Variants in ZNF487 observed in about 807,000 individuals in gnomAD.
The protein encoded by ZNF487 is KRAB domain only 1.
Under a neutral mutation model 3.0 loss-of-function variants are expected in ZNF487, and 4 were observed. The ratio of observed to expected loss-of-function variants is 1.35; its 90% CI spans 0.66 to 3.08. ZNF487 has a LOEUF of 3.08. Among genes scored for constraint, ZNF487 ranks in the 30% most tolerant of loss-of-function variants. ZNF487 has a pLI of 0.01. For missense variants in ZNF487, 146 were observed against 98.7 expected (o/e 1.48, Z -2.03); for synonymous variants, 55 against 34.6 (o/e 1.59, Z -2.06).
chr10:43,501,169 A>T, the ZNF487 span, among the ~76,000 whole-genome samples: 2 of 152,224 alleles, frequency 1.3e-5, no homozygotes, highest in East Asian at 3.9e-4. Flanking sequence ...GTATTTATAT[A>T]TGTAAACATA....
At chr10:43,494,936 CAA>C in the ZNF487 span, among the ~76,000 whole-genome samples, 6 of 132,396 alleles carry the variant, frequency 4.5e-5, no homozygotes, top group Admixed American at 1.6e-4. Context: ...GACTCCATCT[CAA>C]AAAAAAAAAA....
Position 43,441,034 on chromosome 10 carries a change from A to ATTTTTTTTTT in ZNF487, c.-94+3797_-94+3806dup, listed in dbSNP as rs763451709. On this transcript the variant is annotated intron_variant, in intron 1 of 3. Transcript: ENST00000437590. ...GGTAAATGCTACCACACCTGGTTAA[A>ATTTTTTTTTT]TTTTTTTTTTTTTTTTTTTTTTTTT... Among the ~76,000 whole-genome samples, 264 of 44,550 alleles carry ATTTTTTTTTT rather than the reference A, an allele frequency of 5.9e-3. 70 individuals carry two copies. Among genetic ancestry groups the ATTTTTTTTTT allele is most frequent in the East Asian group, 0.013 (14 of 1,110 alleles). The allele number at this position is 44,550 out of a possible 152,430, so 29.2% of individuals were successfully genotyped here.
intron 1 of ZNF487, among the ~76,000 whole-genome samples, chr10:43,473,632 C>A (rs1056944964): frequency 1.3e-5 from 2 of 152,024 alleles, no homozygotes; most frequent in Non-Finnish European, 2.9e-5. Context: ...CATTCTCCTG[C>A]CTCAGCCTCC....
chr10:43,459,123 C>G (rs947152627), intron 1 of ZNF487, among the ~76,000 whole-genome samples: 1 of 152,118 alleles, frequency 6.6e-6, no homozygotes, highest in Non-Finnish European at 1.5e-5. Flanking sequence ...GGTTTCTGAT[C>G]TAGTCCTTCC....
chr10:43,486,777 G>C (rs920106269), downstream of ZNF487, among the ~76,000 whole-genome samples: 4 of 152,088 alleles, frequency 2.6e-5, no homozygotes, highest in Non-Finnish European at 5.9e-5. Context: ...AAACTATTAA[G>C]AGAGGCAAGA....
At chr10:43,470,419 T>C (rs1840863246) in intron 1 of ZNF487, among the ~76,000 whole-genome samples, 1 of 152,182 alleles carries the variant, frequency 6.6e-6, no homozygotes, top group Non-Finnish European at 1.5e-5. Context: ...GTTTCACTTT[T>C]GTTGCCCAGG....
chr10:43,511,479 A>G, the ZNF487 span, among the ~76,000 whole-genome samples: 1 of 152,184 alleles, frequency 6.6e-6, no homozygotes, highest in Non-Finnish European at 1.5e-5. Flanking sequence ...GTCTATTCTA[A>G]TGACGACAAA....
the ZNF487 span, among the ~76,000 whole-genome samples, chr10:43,498,269 TA>T: frequency 9.4e-5 from 12 of 127,630 alleles, no homozygotes; most frequent in Non-Finnish European, 1.8e-4. Context: ...TATATATATA[TA>T]TATATTTTTT....
chr10:43,476,275 G>A, intron 3 of ZNF487, 73 bp downstream of exon 3: 1 of 659,346 alleles, frequency 1.5e-6, no homozygotes, highest in South Asian at 1.7e-5. Flanking sequence ...TTCACATATT[G>A]ACATCTTTGA....
chr10:43,446,126 G>A (rs1186981396), intron 1 of ZNF487, among the ~76,000 whole-genome samples: 12 of 152,146 alleles, frequency 7.9e-5, no homozygotes, highest in Non-Finnish European at 1.6e-4. Context: ...TTTGCCCCAC[G>A]TTTCCCCCTT....
the ZNF487 span, among the ~76,000 whole-genome samples, chr10:43,512,627 G>T: frequency 1.3e-5 from 2 of 152,172 alleles, no homozygotes; most frequent in African/African-American, 4.8e-5. Context: ...GCCTGCCAAA[G>T]GCTCCAAACA....
At chr10:43,439,003 A>G (rs750489772) in intron 1 of ZNF487, among the ~76,000 whole-genome samples, 27 of 152,046 alleles carry the variant, frequency 1.8e-4, no homozygotes, top group Non-Finnish European at 1.2e-4. Context: ...GCACTTTGGG[A>G]GGTCGAGGTG....
chr10:43,494,031 T>TAAA, the ZNF487 span, among the ~76,000 whole-genome samples: 1 of 111,858 alleles, frequency 8.9e-6, no homozygotes. Flanking sequence ...ACTCCATCTC[T>TAAA]AAAAAAAAAA....
chr10:43,441,395 A>G (rs763603555), intron 1 of ZNF487, among the ~76,000 whole-genome samples: 16 of 151,800 alleles, frequency 1.1e-4, no homozygotes, highest in South Asian at 2.1e-4. Context: ...CCTCCCGACT[A>G]GCTGGGACTA....
intron 3 of ZNF487, among the ~76,000 whole-genome samples, chr10:43,478,189 C>T (rs1841173875): frequency 6.6e-6 from 1 of 152,042 alleles, no homozygotes. Context: ...GGAGACCAAC[C>T]CAAGAGGATT....
chr10:43,472,393 T>A (rs191644803), intron 1 of ZNF487, among the ~76,000 whole-genome samples: 188 of 152,196 alleles, frequency 1.2e-3, no homozygotes, highest in Admixed American at 2.1e-3. Context: ...GTCTTACACA[T>A]CTTATTTGTC....
At chr10:43,453,981 C>G (rs1485421144) in intron 1 of ZNF487, 1 of 152,062 alleles carries the variant, frequency 6.6e-6, no homozygotes, top group African/African-American at 2.4e-5. Context: ...ATGTTATGCA[C>G]AAGGTTTGAA....
At chr10:43,480,902 G>A (rs11815101) in intron 3 of ZNF487, among the ~76,000 whole-genome samples, 10,892 of 152,132 alleles carry the variant, frequency 0.072, 544 homozygotes, top group East Asian at 0.2. Flanking sequence ...ATAATTGATC[G>A]CATAAGTGAA....
chr10:43,456,204 G>C (rs1840194458), intron 1 of ZNF487, among the ~76,000 whole-genome samples: 1 of 152,202 alleles, frequency 6.6e-6, no homozygotes, highest in Non-Finnish European at 1.5e-5. Flanking sequence ...GGAGTTACAA[G>C]ACTTGGGGCC....
Sources: gnomAD v4.1 joint callset for allele counts (sites outside exome capture counted in the v4.1 genomes callset) on GRCh38, gnomAD v4.1.1 for gene constraint, MANE v1.5 for transcripts, NCBI Gene and HGNC (gene_info 2026-07-23, HGNC 2026-07-21) for gene names.